Variants in MYT1L observed in about 807,000 individuals in gnomAD.
The protein encoded by MYT1L is myelin transcription factor 1 like.
In MYT1L, 12 loss-of-function variants were observed where a neutral mutation model predicts 126.7. The observed-to-expected ratio is 0.09, with a 90% CI of 0.06 to 0.15. The LOEUF is 0.15. Among genes scored for constraint, MYT1L ranks in the 10% least tolerant of loss-of-function variants. The pLI is 1.00. For synonymous variants in MYT1L, 541 were observed against 604.2 expected (o/e 0.90, Z 1.53); for missense variants, 979 against 1,585.2 (o/e 0.62, Z 6.49).
chr2:2,133,885 A>C (rs1055145606), intron 3 of MYT1L, among the ~76,000 whole-genome samples: 2 of 152,204 alleles, frequency 1.3e-5, no homozygotes, highest in African/African-American at 4.8e-5. Context: ...CAGATGCTTT[A>C]AGAGAAAAAA....
At chr2:2,233,737 G>A (rs1280483156) in intron 2 of MYT1L, among the ~76,000 whole-genome samples, 16 of 152,182 alleles carry the variant, frequency 1.1e-4, no homozygotes, top group Admixed American at 1.0e-3. Context: ...GGGAGGGTCA[G>A]CAATCCATTT....
intron 18 of MYT1L, among the ~76,000 whole-genome samples, chr2:1,859,215 A>C: frequency 6.6e-6 from 1 of 152,208 alleles, no homozygotes; most frequent in Non-Finnish European, 1.5e-5. Context: ...CAAAGTGTGA[A>C]GTAGACTTGC....
chr2:1,791,633 A>C lies in MYT1L; in HGVS notation c.*234T>G. The stretch of plus-strand genomic sequence containing the variant: ...ATACATCAGCAGCTATAAACATTAC[A>C]TGGCAGAACACTATGTCAGCTTACA... On this transcript the variant is annotated 3_prime_UTR_variant, in exon 25 of 25. Coordinates refer to ENST00000647738, the MANE Select transcript of MYT1L (RefSeq NM_001303052.2). This position sits in a 1 kb window ranked among gnomAD's most constrained non-coding sequence, Gnocchi z 6.0. The C allele has an allele frequency of 2.0e-6, 1 of 493,954 alleles. No individual in the cohort carries two copies. 30.6% of individuals were successfully genotyped at this position (493,954 alleles called of 1,614,324 possible).
At chr2:1,855,155 T>G in intron 18 of MYT1L, among the ~76,000 whole-genome samples, 1 of 152,204 alleles carries the variant, frequency 6.6e-6, no homozygotes, top group East Asian at 1.9e-4. Context: ...CTTTAAGAAA[T>G]CTCAACATTA....
At chr2:2,247,759 GA>G (rs1219527383) in intron 2 of MYT1L, among the ~76,000 whole-genome samples, 1 of 151,986 alleles carries the variant, frequency 6.6e-6, no homozygotes, top group Non-Finnish European at 1.5e-5. Flanking sequence ...CAAATACATA[GA>G]AATTAAACAG....
At chr2:2,069,633 T>C (rs2074343154) in intron 3 of MYT1L, among the ~76,000 whole-genome samples, 1 of 152,090 alleles carries the variant, frequency 6.6e-6, no homozygotes, top group Non-Finnish European at 1.5e-5. Context: ...CCTAGATCCT[T>C]GAGGAATCAC....
At chr2:2,050,441 T>G (rs182287955) in intron 4 of MYT1L, among the ~76,000 whole-genome samples, 3 of 152,224 alleles carry the variant, frequency 2.0e-5, no homozygotes, top group Non-Finnish European at 4.4e-5. Context: ...AGCATGGAAA[T>G]TGGATGCAGA....
At chr2:2,121,721 G>A (rs1344474842) in intron 3 of MYT1L, among the ~76,000 whole-genome samples, 8 of 152,224 alleles carry the variant, frequency 5.3e-5, no homozygotes, top group African/African-American at 1.7e-4. Flanking sequence ...TGCTGACCTC[G>A]TGATCCGCCC....
At chr2:1,897,426 TTC>T (rs1160797981) in intron 14 of MYT1L, among the ~76,000 whole-genome samples, 2 of 151,964 alleles carry the variant, frequency 1.3e-5, no homozygotes, top group African/African-American at 4.8e-5. Context: ...AGAATGCACT[TTC>T]TTTTTCTTTT....
intron 18 of MYT1L, among the ~76,000 whole-genome samples, chr2:1,854,992 G>A (rs142588978): frequency 1.1e-3 from 163 of 152,268 alleles, no homozygotes; most frequent in Non-Finnish European, 1.8e-3. Context: ...CAGCTTTTCC[G>A]TCTTTAGGTG....
chr2:1,838,139 C>T (rs1424010813), intron 21 of MYT1L, among the ~76,000 whole-genome samples: 1 of 152,104 alleles, frequency 6.6e-6, no homozygotes, highest in Non-Finnish European at 1.5e-5. Context: ...GTCTCAAACT[C>T]CTGACCTCAG....
rs575305229 is a variant in MYT1L at position 1,798,480 on chromosome 2, CT to C, written c.3276+3215del. 3.7e-4 allele frequency among the ~76,000 whole-genome samples: 57 copies of C among 152,358 alleles called. 1 individual carries two copies. Among genetic ancestry groups the C allele is most frequent in the Non-Finnish European group, 6.3e-4 (43 of 68,040 alleles). Reference sequence around the variant, plus strand: ...GAGAACATCAGGCCGTGGGCACCCACTTCTCAGTTATCTCATGGCTTGGGCT... The same window carrying C: ...GAGAACATCAGGCCGTGGGCACCCACTCTCAGTTATCTCATGGCTTGGGCT... On this transcript the variant is annotated intron_variant, in intron 23 of 24. Coordinates refer to ENST00000647738, the MANE Select transcript of MYT1L (RefSeq NM_001303052.2).
rs113485230 is a variant in MYT1L at position 1,981,168 on chromosome 2, A to G, written c.1-1391T>C. On this transcript the variant is annotated intron_variant, in intron 5 of 24. Transcript: ENST00000647738. Reference sequence around the variant, plus strand: ...GGACAGTGCCTGATTTAATGTTTATAGCAACTAACCAGCAGCTATTTATTG... The same window carrying G: ...GGACAGTGCCTGATTTAATGTTTATGGCAACTAACCAGCAGCTATTTATTG... 1.2e-3 allele frequency among the ~76,000 whole-genome samples: 190 copies of G among 152,370 alleles called. 1 individual carries two copies. The highest frequency in any genetic ancestry group is 4.5e-3 in the African/African-American group (186 of 41,590).
At chr2:1,831,014 T>C (rs2040090487) in intron 21 of MYT1L, among the ~76,000 whole-genome samples, 1 of 152,152 alleles carries the variant, frequency 6.6e-6, no homozygotes. Flanking sequence ...TGCCCTTCCC[T>C]CCAGTGGCCA....
intron 8 of MYT1L, among the ~76,000 whole-genome samples, chr2:1,976,401 G>A (rs892022272): frequency 6.6e-6 from 1 of 152,228 alleles, no homozygotes; most frequent in African/African-American, 2.4e-5. Context: ...CAGTACTTTG[G>A]GAGGCCGAGG....
chr2:1,888,918 T>C (rs1265370234), intron 16 of MYT1L, among the ~76,000 whole-genome samples: 1 of 152,264 alleles, frequency 6.6e-6, no homozygotes, highest in Non-Finnish European at 1.5e-5. Context: ...GAAAATCCTG[T>C]ATTGTTTCAA....
intron 10 of MYT1L, among the ~76,000 whole-genome samples, chr2:1,919,883 C>T (rs912480900): frequency 1.3e-5 from 2 of 152,134 alleles, no homozygotes; most frequent in Non-Finnish European, 2.9e-5. Flanking sequence ...CGCCCACCAC[C>T]ACGCCCGGCT....
At chr2:2,112,084 G>T (rs2079535028) in intron 3 of MYT1L, among the ~76,000 whole-genome samples, 1 of 152,204 alleles carries the variant, frequency 6.6e-6, no homozygotes, top group African/African-American at 2.4e-5. Flanking sequence ...TGAGCGAGAT[G>T]AGCCCAGAGC....
intron 22 of MYT1L, among the ~76,000 whole-genome samples, chr2:1,807,832 T>A (rs555178799): frequency 1.3e-5 from 2 of 152,150 alleles, no homozygotes; most frequent in Non-Finnish European, 2.9e-5. Flanking sequence ...CCTGTTAATA[T>A]GGTTTGGCTG....
Sources: gnomAD v4.1 joint callset for allele counts (sites outside exome capture counted in the v4.1 genomes callset) on GRCh38, gnomAD v4.1.1 for gene constraint, Gnocchi (gnomAD v3.1) non-coding constraint, MANE v1.5 for transcripts, NCBI Gene and HGNC (gene_info 2026-07-23, HGNC 2026-07-21) for gene names.